CHN1: variants seen among roughly 807,000 people sequenced by gnomAD.
CHN1 encodes chimerin 1, also known as N-chimaerin.
In CHN1, 37 loss-of-function variants were observed where a neutral mutation model predicts 59.5. The ratio of observed to expected loss-of-function variants is 0.62; its 90% CI spans 0.48 to 0.82. The LOEUF is 0.82. Ranked by LOEUF, CHN1 falls within the 40% of genes least tolerant of loss-of-function variation. The pLI is 0.00. For synonymous variants in CHN1, 206 were observed against 200.4 expected, an observed-to-expected ratio of 1.03 and a Z score of -0.24; for missense variants, 469 against 571.0, an observed-to-expected ratio of 0.82 and a Z score of 1.82.
intron 3 of CHN1, among the ~76,000 whole-genome samples, chr2:174,933,031 C>G (rs142556561): frequency 2.6e-3 from 401 of 152,256 alleles, no homozygotes; most frequent in Non-Finnish European, 4.7e-3. Context: ...AATTAAGTAA[C>G]TGCCATCAAT....
intron 1 of CHN1, among the ~76,000 whole-genome samples, chr2:174,969,937 G>C (rs1476645832): frequency 6.6e-6 from 1 of 152,110 alleles, no homozygotes; most frequent in Non-Finnish European, 1.5e-5. Context: ...TATTTTAATA[G>C]TAATCTTAAG....
intron 5 of CHN1, among the ~76,000 whole-genome samples, chr2:174,900,513 G>A (rs1430413704): frequency 2.6e-5 from 4 of 151,982 alleles, no homozygotes; most frequent in African/African-American, 9.7e-5. Flanking sequence ...TTTTTAAAAC[G>A]TAACCATCAA....
At chr2:174,860,412 A>C (rs974872712) in intron 6 of CHN1, among the ~76,000 whole-genome samples, 1 of 152,170 alleles carries the variant, frequency 6.6e-6, no homozygotes, top group African/African-American at 2.4e-5. Context: ...TAAAAAAATA[A>C]ATTTTTGGGT....
intron 11 of CHN1, among the ~76,000 whole-genome samples, chr2:174,806,840 G>C (rs1399628335): frequency 6.6e-6 from 1 of 152,154 alleles, no homozygotes; most frequent in Non-Finnish European, 1.5e-5. Context: ...TGCCAGAAGA[G>C]AGTGTACAAG....
chr2:174,826,043 G>T (rs1037948502), intron 7 of CHN1, among the ~76,000 whole-genome samples: 1 of 152,170 alleles, frequency 6.6e-6, no homozygotes, highest in South Asian at 2.1e-4. Context: ...GATAACCCTG[G>T]GTTCATTCAA....
intron 8 of CHN1, among the ~76,000 whole-genome samples, chr2:174,814,814 C>T (rs1166582419): frequency 6.6e-6 from 1 of 152,032 alleles, no homozygotes; most frequent in African/African-American, 2.4e-5. Flanking sequence ...GGCCAGGTCC[C>T]GAAAAGGAAT....
At chr2:174,823,224 A>G (rs1218258280) in intron 8 of CHN1, among the ~76,000 whole-genome samples, 6 of 152,236 alleles carry the variant, frequency 3.9e-5, no homozygotes, top group African/African-American at 1.2e-4. Flanking sequence ...TTTACTTAGT[A>G]TATTTTTTAG....
At chr2:174,978,040 T>G (rs1209587379) in intron 1 of CHN1, among the ~76,000 whole-genome samples, 2 of 152,234 alleles carry the variant, frequency 1.3e-5, no homozygotes. Flanking sequence ...GATTTAGAAC[T>G]GTTCAAAAAA....
intron 1 of CHN1, among the ~76,000 whole-genome samples, chr2:174,981,595 A>G (rs931325629): frequency 2.0e-5 from 3 of 152,214 alleles, no homozygotes; most frequent in Non-Finnish European, 4.4e-5. Context: ...TCACAAAGCA[A>G]TAAAATAAAT....
intron 6 of CHN1, among the ~76,000 whole-genome samples, chr2:174,859,407 C>T (rs1687003738): frequency 1.3e-5 from 2 of 152,116 alleles, no homozygotes; most frequent in African/African-American, 2.4e-5. Flanking sequence ...AGGCCTAGGC[C>T]TGATTCTATA....
intron 5 of CHN1, among the ~76,000 whole-genome samples, chr2:174,907,798 TTA>T (rs1688584284): frequency 1.3e-5 from 2 of 152,106 alleles, no homozygotes; most frequent in African/African-American, 4.8e-5. Context: ...GTACGAAATT[TTA>T]TATAAGTAGT....
chr2:174,836,089 C>T (rs900885280), intron 7 of CHN1, among the ~76,000 whole-genome samples: 1 of 152,192 alleles, frequency 6.6e-6, no homozygotes, highest in African/African-American at 2.4e-5. Context: ...GCACCTCCCC[C>T]ACGACCCCAC....
At position 174,908,890 on chromosome 2, in the gene CHN1, C is replaced by A. The variant is rs79992397; in HGVS notation, c.260+6168G>T. 2.6e-3 allele frequency among the ~76,000 whole-genome samples: 397 copies of A among 152,264 alleles called. 12 individuals carry two copies. In the East Asian group the frequency reaches 0.07, roughly 27 times the overall value. On this transcript the variant is annotated intron_variant, in intron 5 of 12. Transcript: ENST00000409900. ...ATATTAATAAAAAATCTATGGGTTT[C>A]ATTATGCTAAAATTATTAATATAAT...
Position 174,800,009 on chromosome 2 carries a change from A to T in CHN1, c.*107T>A. 1.9e-6 allele frequency: 2 copies of T among 1,072,606 alleles called. No homozygotes were observed. The highest frequency in any genetic ancestry group is 2.8e-6 in the Non-Finnish European group (2 of 723,202). 66.4% of individuals were successfully genotyped at this position (1,072,606 alleles called of 1,614,324 possible). A position where few individuals can be genotyped will look rare whatever the true frequency, so the allele number is the denominator to read the frequency against. ...AGTTCCTTCACTTTAATCTGGTTATATGCCCAAACCTCTAATCAAGAAATA... is the reference window on the plus strand; with the variant it reads ...AGTTCCTTCACTTTAATCTGGTTATTTGCCCAAACCTCTAATCAAGAAATA... On this transcript the variant is annotated 3_prime_UTR_variant, in exon 13 of 13. Transcript: ENST00000409900.
chr2:175,002,972 C>T (rs746231256), intron 1 of CHN1, among the ~76,000 whole-genome samples: 8 of 152,158 alleles, frequency 5.3e-5, no homozygotes, highest in Non-Finnish European at 1.0e-4. Context: ...TTGTATTGGG[C>T]GAGTTTGACC....
chr2:174,808,816 A>C, intron 11 of CHN1, 89 bp downstream of exon 11: 2 of 1,386,322 alleles, frequency 1.4e-6, no homozygotes, highest in Non-Finnish European at 2.0e-6. Flanking sequence ...AACATTTCAT[A>C]AAATGCATTC....
intron 1 of CHN1, among the ~76,000 whole-genome samples, chr2:174,989,099 C>T (rs955300404): frequency 2.4e-4 from 37 of 152,258 alleles, no homozygotes; most frequent in African/African-American, 8.4e-4. Flanking sequence ...TAAACAAGGC[C>T]AGGCATGGTG....
chr2:174,872,315 T>C (rs928259584), intron 6 of CHN1, among the ~76,000 whole-genome samples: 7 of 152,082 alleles, frequency 4.6e-5, no homozygotes, highest in Non-Finnish European at 8.8e-5. Context: ...AACTTCTGAA[T>C]ATCAAGAAGA....
chr2:174,991,893 G>A (rs79228217), intron 1 of CHN1, among the ~76,000 whole-genome samples: 253 of 152,282 alleles, frequency 1.7e-3, no homozygotes, highest in African/African-American at 5.9e-3. Flanking sequence ...TAAGCACTGC[G>A]AGGAATACAG....
Sources: gnomAD v4.1 joint callset for allele counts (sites outside exome capture counted in the v4.1 genomes callset) on GRCh38, gnomAD v4.1.1 for gene constraint, MANE v1.5 for transcripts, NCBI Gene and HGNC (gene_info 2026-07-23, HGNC 2026-07-21) for gene names.